The following ZNF519 variants were observed in gnomAD, a reference collection of about 807,000 sequenced individuals.
ZNF519 encodes zinc finger protein 519, also known as similar to Zinc finger protein 85 (Zinc finger protein HPF4) (HTF1).
In ZNF519, 7 loss-of-function variants were observed where a neutral mutation model predicts 7.4. That is an observed-to-expected ratio of 0.94 (90% CI 0.54 to 1.77). ZNF519 has a LOEUF of 1.77. Ranked by LOEUF, ZNF519 falls within the 40% of genes most tolerant of loss-of-function variation. The pLI is 0.00. For missense variants in ZNF519, 586 were observed against 623.1 expected (o/e 0.94, Z 0.63); for synonymous variants, 179 against 203.3 (o/e 0.88, Z 1.02).
At position 14,104,158 on chromosome 18, in the gene ZNF519, G is replaced by C. The variant is rs762561045; in HGVS notation, c.*759C>G. 1 of 152,114 alleles carries C rather than the reference G, an allele frequency of 6.6e-6. No individual in the cohort carries two copies. Among genetic ancestry groups the C allele is most frequent in the Non-Finnish European group, 1.5e-5 (1 of 68,016 alleles). 9.4% of individuals were successfully genotyped at this position (152,114 alleles called of 1,614,324 possible). A position where few individuals can be genotyped will look rare whatever the true frequency, so the allele number is the denominator to read the frequency against. On this transcript the variant is annotated 3_prime_UTR_variant, in exon 3 of 3. Coordinates refer to ENST00000590202, the MANE Select transcript of ZNF519 (RefSeq NM_145287.4). ...TTTATTGTTATCACAGTAACATTCA[G>C]GACTTCTAACTTGCTGCTATGAAGA...
At chr18:14,128,992 C>T (rs1598524915) in intron 1 of ZNF519, among the ~76,000 whole-genome samples, 1 of 152,046 alleles carries the variant, frequency 6.6e-6, no homozygotes, top group Non-Finnish European at 1.5e-5. Context: ...ACACTGTGTA[C>T]ACATGAAAGA....
At chr18:14,123,456 C>T (rs1054972000) in intron 2 of ZNF519, among the ~76,000 whole-genome samples, 19 of 152,166 alleles carry the variant, frequency 1.2e-4, no homozygotes, top group East Asian at 7.7e-4. Flanking sequence ...TGGTGGCTCA[C>T]GCCTGTAATC....
At chr18:14,127,458 A>T (rs1401788503) in intron 1 of ZNF519, among the ~76,000 whole-genome samples, 1 of 152,122 alleles carries the variant, frequency 6.6e-6, no homozygotes, top group East Asian at 1.9e-4. Flanking sequence ...AAGCAGAGTA[A>T]AACCAGAGGA....
Position 14,105,194 on chromosome 18 carries a change from C to T in ZNF519, c.1346G>A (p.Arg449Gln), listed in dbSNP as rs147242149. 31 of 1,535,844 alleles carry T rather than the reference C, an allele frequency of 2.0e-5. No individual in the cohort carries two copies. Among genetic ancestry groups the T allele is most frequent in the East Asian group, 1.4e-4 (6 of 43,010 alleles). ...KAFNRGSHLT[R>Q]HQRIHTGEKS... Reference sequence around the variant, plus strand: ...CTCTCCAGTATGGATTCTTTGATGTCGAGTAAGGTGTGAGCCCCTGTTAAA... The same window carrying T: ...CTCTCCAGTATGGATTCTTTGATGTTGAGTAAGGTGTGAGCCCCTGTTAAA... Residue 449 changes from arginine (R) to glutamine (Q), a missense_variant, in exon 3 of 3, where the codon CGA becomes CAA. Transcript: ENST00000590202.
intron 3 of ZNF519, among the ~76,000 whole-genome samples, chr18:14,083,685 GATT>G: frequency 6.6e-6 from 1 of 152,120 alleles, no homozygotes; most frequent in Non-Finnish European, 1.5e-5. Flanking sequence ...TGAGGCGGTG[GATT>G]ACTTGAGGCC....
At chr18:14,120,831 G>A (rs1300955563) in intron 2 of ZNF519, among the ~76,000 whole-genome samples, 1 of 151,988 alleles carries the variant, frequency 6.6e-6, no homozygotes, top group Non-Finnish European at 1.5e-5. Context: ...AAAAATAGAA[G>A]TATCATATAA....
intron 2 of ZNF519, among the ~76,000 whole-genome samples, chr18:14,112,867 A>G (rs1461111817): frequency 6.6e-6 from 1 of 152,196 alleles, no homozygotes; most frequent in South Asian, 2.1e-4. Flanking sequence ...GACTTAATGC[A>G]ACCCTATCAA....
chr18:14,111,182 A>AC (rs2046218843), intron 2 of ZNF519, among the ~76,000 whole-genome samples: 1 of 151,224 alleles, frequency 6.6e-6, no homozygotes, highest in Non-Finnish European at 1.5e-5. Context: ...AAAAAAAAAA[A>AC]AAAAAACCTT....
At chr18:14,083,415 A>T (rs189633588) in intron 3 of ZNF519, among the ~76,000 whole-genome samples, 1 of 152,254 alleles carries the variant, frequency 6.6e-6, no homozygotes, top group African/African-American at 2.4e-5. Flanking sequence ...TGGCTACATG[A>T]GTCACTCCAT....
intron 1 of ZNF519, among the ~76,000 whole-genome samples, chr18:14,129,813 G>T (rs1371914160): frequency 6.6e-6 from 1 of 151,976 alleles, no homozygotes; most frequent in Non-Finnish European, 1.5e-5. Flanking sequence ...TACAAATCAA[G>T]GGCTTCCACA....
chr18:14,124,587 C>A, intron 1 of ZNF519, 111 bp from the exon 2 acceptor site: 2 of 1,309,072 alleles, frequency 1.5e-6, no homozygotes, highest in Non-Finnish European at 2.1e-6. Context: ...GATAAAATAA[C>A]TTTTAACACA....
At chr18:14,126,259 G>C (rs918330050) in intron 1 of ZNF519, among the ~76,000 whole-genome samples, 4 of 152,150 alleles carry the variant, frequency 2.6e-5, no homozygotes, top group Non-Finnish European at 1.5e-5. Flanking sequence ...GCCTGACCAA[G>C]AGAAATCTGA....
intron 2 of ZNF519, among the ~76,000 whole-genome samples, chr18:14,108,774 T>C (rs959978411): frequency 1.6e-4 from 25 of 152,192 alleles, no homozygotes; most frequent in African/African-American, 6.0e-4. Flanking sequence ...GACAAAACTA[T>C]AAGAAGAGAC....
Position 14,104,752 on chromosome 18 carries a change from T to C in ZNF519, c.*165A>G. On this transcript the variant is annotated 3_prime_UTR_variant, in exon 3 of 3. Coordinates refer to ENST00000590202, the MANE Select transcript of ZNF519 (RefSeq NM_145287.4). The stretch of plus-strand genomic sequence containing the variant: ...GTAATTTACGGAAGTGCTAGCACCT[T>C]AGTTCTTTCTAAAGTGACACTTCTA... 1.5e-6 allele frequency: 1 copy of C among 678,506 alleles called. No homozygotes were observed. Among genetic ancestry groups the C allele is most frequent in the Middle Eastern group, 3.1e-4 (1 of 3,262 alleles). 42.0% of individuals were successfully genotyped at this position (678,506 alleles called of 1,614,324 possible).
Position 14,106,326 on chromosome 18 carries a change from CA to C in ZNF519, c.213del (p.Tyr71Ter). 6.2e-7 allele frequency: 1 copy of C among 1,613,162 alleles called. No individual in the cohort carries two copies. Among genetic ancestry groups the C allele is most frequent in the Non-Finnish European group, 8.5e-7 (1 of 1,179,812 alleles). On this transcript the variant is annotated frameshift_variant, in exon 3 of 3. Coordinates refer to ENST00000590202, the MANE Select transcript of ZNF519 (RefSeq NM_145287.4). LOFTEE classifies it low-confidence loss of function (END_TRUNC). Reference sequence around the variant, plus strand: ...CATATATTTTCAAGGCCACAGCTCCCATATCTTCCCAGTGTTGCTTTTTTGA... The same window carrying C: ...CATATATTTTCAAGGCCACAGCTCCCTATCTTCCCAGTGTTGCTTTTTTGA... Reference protein sequence around the residue: ...DSFKKATLGRYGSCGLENICL... With the variant: ...DSFKKATLGRXGSCGLENICL...
At chr18:14,120,742 A>G (rs911039389) in intron 2 of ZNF519, among the ~76,000 whole-genome samples, 2 of 152,104 alleles carry the variant, frequency 1.3e-5, no homozygotes, top group Non-Finnish European at 2.9e-5. Flanking sequence ...TCCCCAAAGA[A>G]GACATACATA....
chr18:14,105,385 A>G lies in ZNF519; in HGVS notation c.1155T>C (p.Phe385=). 4 of 1,614,010 alleles carry G rather than the reference A, an allele frequency of 2.5e-6. No homozygotes were observed. The highest frequency in any genetic ancestry group is 3.4e-6 in the Non-Finnish European group (4 of 1,179,988). The change falls in exon 3 of 3, where the codon TTT becomes TTC. Residue 385 remains phenylalanine (F), a synonymous_variant. Transcript: ENST00000590202. ...GCTGAGTAACGTATGAGCTTCTATT[A>G]AAGGCTTTGCCACATTCCTTACATC... The part of the protein sequence containing the change: ...PFRCKECGKA[F]NRSSYVTQHQ...
intron 3 of ZNF519, chr18:14,082,408 T>C (rs879607387): frequency 2.6e-5 from 4 of 152,144 alleles, no homozygotes; most frequent in African/African-American, 4.8e-5. Context: ...TACATAACAA[T>C]AGATTCACCG....
intron 3 of ZNF519, among the ~76,000 whole-genome samples, chr18:14,083,687 T>C (rs1190101465): frequency 6.6e-6 from 1 of 152,130 alleles, no homozygotes; most frequent in African/African-American, 2.4e-5. Context: ...AGGCGGTGGA[T>C]TACTTGAGGC....
Sources: gnomAD v4.1 joint callset for allele counts (sites outside exome capture counted in the v4.1 genomes callset) on GRCh38, gnomAD v4.1.1 for gene constraint, MANE v1.5 for transcripts, NCBI Gene and HGNC (gene_info 2026-07-23, HGNC 2026-07-21) for gene names.